ANKRD46: variants seen among roughly 807,000 people sequenced by gnomAD.
ANKRD46 encodes the protein ankyrin repeat domain-containing protein 46.
Under a neutral mutation model 19.8 loss-of-function variants are expected in ANKRD46, and 13 were observed. The ratio of observed to expected loss-of-function variants is 0.66; its 90% CI spans 0.43 to 1.04. The LOEUF is 1.04. Among genes scored for constraint, ANKRD46 ranks in the 50% least tolerant of loss-of-function variants. The pLI is 0.00. For synonymous variants in ANKRD46, 91 were observed against 106.9 expected, an observed-to-expected ratio of 0.85 and a Z score of 0.92; for missense variants, 185 against 274.8, an observed-to-expected ratio of 0.67 and a Z score of 2.31.
In ANKRD46 at chr8:100,510,714, C is replaced by G. The variant is rs1282655829; in HGVS notation, c.637-75G>C. The G allele has an allele frequency of 1.5e-6, 2 of 1,304,082 alleles. No homozygotes were observed. Among genetic ancestry groups the G allele is most frequent in the African/African-American group, 1.5e-5 (1 of 67,274 alleles). The allele number at this position is 1,304,082 out of a possible 1,614,324, so 80.8% of individuals were successfully genotyped here. ...GTTAAGCTGCAGAGATGTGCCAGGA[C>G]CAGATACAATCATAAATATATAGAA... is the stretch of plus-strand genomic sequence containing the variant. On this transcript the variant is annotated intron_variant, in intron 5 of 5. Coordinates refer to the ANKRD46 transcript ENST00000520552. This position sits in a 1 kb window ranked among gnomAD's most constrained non-coding sequence, Gnocchi z 4.9.
intron 1 of ANKRD46, among the ~76,000 whole-genome samples, chr8:100,547,745 TTTC>T (rs1472368836): frequency 2.0e-5 from 3 of 152,274 alleles, no homozygotes; most frequent in African/African-American, 7.2e-5. Context: ...TCCTTGATGC[TTTC>T]TTTTCTCCTG....
chr8:100,522,593 G>A lies in ANKRD46; in HGVS notation c.649C>T (p.Leu217=). Residue 217 remains leucine (L), a synonymous_variant, in exon 5 of 5, where the codon CTA becomes TTA. Transcript: ENST00000335659. ...LGIAYYVSGV[L]PFVENQPELV... ...TCAGGCTGGTTTTCCACGAAGGGTA[G>A]CACCCCACTCACATAATAAGCAATG... 6.2e-7 allele frequency: 1 copy of A among 1,614,004 alleles called. No individual in the cohort carries two copies. The highest frequency in any genetic ancestry group is 8.5e-7 in the Non-Finnish European group (1 of 1,180,008).
At chr8:100,530,688 A>G (rs1040462169) in intron 2 of ANKRD46, among the ~76,000 whole-genome samples, 5 of 152,170 alleles carry the variant, frequency 3.3e-5, no homozygotes, top group African/African-American at 9.7e-5. Context: ...CCTGGCCTAT[A>G]GCACAAATTT....
intron 5 of ANKRD46, among the ~76,000 whole-genome samples, chr8:100,515,395 T>C (rs1811614091): frequency 6.6e-6 from 1 of 152,134 alleles, no homozygotes. Flanking sequence ...GGATTTTTTT[T>C]GAGAAGTGGC....
At chr8:100,542,360 C>T (rs1184656327) in intron 1 of ANKRD46, among the ~76,000 whole-genome samples, 1 of 152,016 alleles carries the variant, frequency 6.6e-6, no homozygotes, top group East Asian at 1.9e-4. Context: ...AAGGAGATGC[C>T]TTAGTCAAAC....
Position 100,522,022 on chromosome 8 carries a change from T to C in ANKRD46, c.*533A>G. 1 of 985,392 alleles carries C rather than the reference T, an allele frequency of 1.0e-6. No individual in the cohort carries two copies. The highest frequency in any genetic ancestry group is 1.2e-6 in the Non-Finnish European group (1 of 829,804). The allele number at this position is 985,392 out of a possible 1,614,324, so 61.0% of individuals were successfully genotyped here. A position where few individuals can be genotyped will look rare whatever the true frequency, so the allele number is the denominator to read the frequency against. On this transcript the variant is annotated 3_prime_UTR_variant, in exon 5 of 5. Transcript: ENST00000335659. ...GGTTTGTGACTAGACTTAAAAATAC[T>C]AAAATAAGCCAAATAGATGCTAACA... is the stretch of plus-strand genomic sequence containing the variant.
chr8:100,521,639 C>T lies in ANKRD46; in HGVS notation c.*916G>A, dbSNP rs556782238. On this transcript the variant is annotated 3_prime_UTR_variant, in exon 5 of 5. Coordinates refer to ENST00000335659, the MANE Select transcript of ANKRD46 (RefSeq NM_001270377.2). ...AACAGGGCCTCCAAATAGGATTGCA[C>T]ATGAAATAATTATGAACTATGATAA... is the stretch of plus-strand genomic sequence containing the variant. 4.1e-6 allele frequency: 4 copies of T among 985,384 alleles called. No individual in the cohort carries two copies. The East Asian group carries it at 3.4e-4, about 84-fold the overall frequency. 61.0% of individuals were successfully genotyped at this position (985,384 alleles called of 1,614,324 possible).
At position 100,544,096 on chromosome 8, in the gene ANKRD46, G is replaced by A. The variant is rs1261939885; in HGVS notation, c.-130-10785C>T. Among the ~76,000 whole-genome samples, 3 of 151,980 alleles carry A rather than the reference G, an allele frequency of 2.0e-5. No homozygotes were observed. The highest frequency in any genetic ancestry group is 6.6e-5 in the Admixed American group (1 of 15,234). ...TTGACCTACAACTACCTTTTATATT[G>A]CCTTACACTTTAGGAAATATTTCTC... On this transcript the variant is annotated intron_variant, in intron 1 of 4. Coordinates refer to ENST00000335659, the MANE Select transcript of ANKRD46 (RefSeq NM_001270377.2). The surrounding 1 kb of genome is among the most constrained non-coding windows in gnomAD (Gnocchi z 4.4).
rs934916996 is a variant in ANKRD46 at position 100,545,568 on chromosome 8, T to C, written c.-130-12257A>G. The stretch of plus-strand genomic sequence containing the variant: ...TGTTTATAAATTACCCAGCCTCAAG[T>C]AGTAACTTTATAGCAGTGTGAAAAC... On this transcript the variant is annotated intron_variant, in intron 1 of 4. Coordinates refer to ENST00000335659, the MANE Select transcript of ANKRD46 (RefSeq NM_001270377.2). This position sits in a 1 kb window ranked among gnomAD's most constrained non-coding sequence, Gnocchi z 4.7. 6.6e-6 allele frequency among the ~76,000 whole-genome samples: 1 copy of C among 152,194 alleles called. No individual in the cohort carries two copies. The highest frequency in any genetic ancestry group is 6.5e-5 in the Admixed American group (1 of 15,286).
At position 100,512,410 on chromosome 8, in the gene ANKRD46, A is replaced by C. The variant is rs1461480798; in HGVS notation, c.637-1771T>G. Among the ~76,000 whole-genome samples the C allele has an allele frequency of 2.0e-5, 3 of 152,234 alleles. No homozygotes were observed. In the East Asian group the frequency reaches 5.8e-4, roughly 29 times the overall value. On this transcript the variant is annotated intron_variant, in intron 5 of 5. Transcript: ENST00000520552. ...GGGACTGGGACTGGCACTTCCCAGA[A>C]TGAGAATTCCAGAATGATGACCGGA... is the stretch of plus-strand genomic sequence containing the variant.
At chr8:100,517,215 A>G (rs1811647742), downstream of ANKRD46, among the ~76,000 whole-genome samples, 2 of 152,228 alleles carry the variant, frequency 1.3e-5, no homozygotes, top group African/African-American at 4.8e-5. Context: ...CTTGAACTCA[A>G]GGCGGTTTCT....
At position 100,534,774 on chromosome 8, in the gene ANKRD46, C is replaced by CT. The variant is rs1563929820; in HGVS notation, c.-130-1464dup. Among the ~76,000 whole-genome samples, 1 of 152,136 alleles carries CT rather than the reference C, an allele frequency of 6.6e-6. No individual in the cohort carries two copies. The highest frequency in any genetic ancestry group is 6.6e-5 in the Admixed American group (1 of 15,262). On this transcript the variant is annotated intron_variant, in intron 1 of 4. Coordinates refer to ENST00000335659, the MANE Select transcript of ANKRD46 (RefSeq NM_001270377.2). This position sits in a 1 kb window ranked among gnomAD's most constrained non-coding sequence, Gnocchi z 4.2. ...AAGGACAATGCTTCTGCAATTTTTT[C>CT]TTTTTTTATTTTTGAGACAGAGTCT...
Position 100,557,852 on chromosome 8 carries a change from C to T in ANKRD46, c.-131+1859G>A, listed in dbSNP as rs1051672932. 1.3e-5 allele frequency among the ~76,000 whole-genome samples: 2 copies of T among 152,180 alleles called. No individual in the cohort carries two copies. Among genetic ancestry groups the T allele is most frequent in the Non-Finnish European group, 2.9e-5 (2 of 68,026 alleles). On this transcript the variant is annotated intron_variant, in intron 1 of 4. Transcript: ENST00000335659. The surrounding 1 kb of genome is among the most constrained non-coding windows in gnomAD (Gnocchi z 5.9). ...CACCAGTCCTTATTTTAAAACTGCA[C>T]CTGTTCCTTCCTTGGTGCTTCCTAT...
intron 1 of ANKRD46, among the ~76,000 whole-genome samples, chr8:100,556,338 G>A (rs529720776): frequency 6.6e-6 from 1 of 152,180 alleles, no homozygotes; most frequent in East Asian, 1.9e-4. Flanking sequence ...GCATTTTTAT[G>A]GGCTCTGAAA....
At chr8:100,547,723 C>T (rs1812300785) in intron 1 of ANKRD46, among the ~76,000 whole-genome samples, 1 of 152,180 alleles carries the variant, frequency 6.6e-6, no homozygotes, top group Non-Finnish European at 1.5e-5. Context: ...CCCTAGAAAC[C>T]CTGGCTTCAA....
At chr8:100,539,495 T>G (rs1187493205) in intron 1 of ANKRD46, among the ~76,000 whole-genome samples, 1 of 152,226 alleles carries the variant, frequency 6.6e-6, no homozygotes, top group Non-Finnish European at 1.5e-5. Context: ...TAACAGAAGT[T>G]CAAATTTTTA....
At chr8:100,551,297 A>C in intron 1 of ANKRD46, 1 of 514,160 alleles carries the variant, frequency 1.9e-6, no homozygotes, top group Non-Finnish European at 3.6e-6. Flanking sequence ...GGCTGTTTTC[A>C]GACTTCTCAG....
chr8:100,522,823 A>G, intron 4 of ANKRD46, 52 bp from the exon 5 acceptor site: 1 of 1,496,336 alleles, frequency 6.7e-7, no homozygotes, highest in Non-Finnish European at 9.2e-7. Flanking sequence ...AGCAATTCCA[A>G]AAACATAAAA....
rs1157252612 is a variant in ANKRD46, at chr8:100,521,941, A to G, written c.*614T>C. On this transcript the variant is annotated 3_prime_UTR_variant, in exon 5 of 5. Coordinates refer to ENST00000335659, the MANE Select transcript of ANKRD46 (RefSeq NM_001270377.2). ...AATTATCCTAAAAACAAATAAATATAAGATCAAATCAATTATCTTTGAACA... is the reference window on the plus strand; with the variant it reads ...AATTATCCTAAAAACAAATAAATATGAGATCAAATCAATTATCTTTGAACA... 1 of 981,724 alleles carries G rather than the reference A, an allele frequency of 1.0e-6. No individual in the cohort carries two copies. The highest frequency in any genetic ancestry group is 1.2e-6 in the Non-Finnish European group (1 of 826,654). The allele number at this position is 981,724 out of a possible 1,614,324, so 60.8% of individuals were successfully genotyped here.
Sources: allele counts gnomAD v4.1 joint callset (sites outside exome capture counted in the v4.1 genomes callset), GRCh38; gene constraint gnomAD v4.1.1; non-coding constraint Gnocchi (gnomAD v3.1); transcripts MANE v1.5; gene names NCBI Gene and HGNC (gene_info 2026-07-23, HGNC 2026-07-21).